ZNRF3: variants seen among roughly 807,000 people sequenced by gnomAD.
ZNRF3 encodes the protein E3 ubiquitin-protein ligase ZNRF3.
Under a neutral mutation model 72.5 loss-of-function variants are expected in ZNRF3, and 23 were observed. The ratio of observed to expected loss-of-function variants is 0.32; its 90% CI spans 0.23 to 0.45. The LOEUF is 0.45. ZNRF3 is among the 20% of genes least tolerant of loss of function. The pLI, the probability that ZNRF3 is intolerant of heterozygous loss-of-function variation, is 1.00. For missense variants in ZNRF3, 1,169 were observed against 1,272.1 expected (o/e 0.92, Z 1.23); for synonymous variants, 610 against 545.3 (o/e 1.12, Z -1.65).
At chr22:28,914,643 C>G (rs993764291) in intron 1 of ZNRF3, among the ~76,000 whole-genome samples, 2 of 151,514 alleles carry the variant, frequency 1.3e-5, no homozygotes, top group Non-Finnish European at 2.9e-5. Context: ...GGTGAAACCC[C>G]GTCTCTACTA....
chr22:28,976,107 C>T (rs2035668961), intron 1 of ZNRF3, among the ~76,000 whole-genome samples: 2 of 152,182 alleles, frequency 1.3e-5, no homozygotes, highest in East Asian at 3.8e-4. Flanking sequence ...CCCACTTTGT[C>T]ACTATCTAGT....
chr22:29,038,256 T>C (rs1224664934), intron 2 of ZNRF3, among the ~76,000 whole-genome samples: 2 of 152,118 alleles, frequency 1.3e-5, no homozygotes, highest in Admixed American at 1.3e-4. Context: ...GTGAGAGTGA[T>C]TGGTTCAAGG....
chr22:28,990,100 A>C (rs568540316), intron 2 of ZNRF3, among the ~76,000 whole-genome samples: 2 of 152,204 alleles, frequency 1.3e-5, no homozygotes, highest in Non-Finnish European at 2.9e-5. Flanking sequence ...AAGACCCCAC[A>C]GGGGAGCAGC....
intron 1 of ZNRF3, among the ~76,000 whole-genome samples, chr22:28,887,512 A>G (rs1416397666): frequency 6.6e-6 from 1 of 152,162 alleles, no homozygotes; most frequent in Non-Finnish European, 1.5e-5. Flanking sequence ...GGCTTAAATA[A>G]CTATCCCAAG....
intron 1 of ZNRF3, among the ~76,000 whole-genome samples, chr22:28,914,846 A>G (rs2034382592): frequency 6.6e-6 from 1 of 151,250 alleles, no homozygotes; most frequent in Non-Finnish European, 1.5e-5. Flanking sequence ...AGGTTAACCT[A>G]CCTGATGGAT....
chr22:28,937,203 ATATATATATATATTTT>A (rs1441695393), intron 1 of ZNRF3, among the ~76,000 whole-genome samples: 8 of 9,560 alleles, frequency 8.4e-4, no homozygotes, highest in East Asian at 5.8e-3. Context: ...ATATATATAT[ATATATATATATATTTT>A]TTTTTTTTTT....
At chr22:28,910,101 T>G (rs1047167817) in intron 1 of ZNRF3, among the ~76,000 whole-genome samples, 3 of 151,718 alleles carry the variant, frequency 2.0e-5, no homozygotes, top group African/African-American at 7.3e-5. Context: ...AGTGGTGCAA[T>G]CTCAGCTCAC....
chr22:29,038,507 CT>C (rs1359058622), intron 2 of ZNRF3, among the ~76,000 whole-genome samples: 1 of 151,940 alleles, frequency 6.6e-6, no homozygotes, highest in Non-Finnish European at 1.5e-5. Flanking sequence ...TAGTTTTTAA[CT>C]TTTTTGTGGA....
At position 29,030,769 on chromosome 22, in the gene ZNRF3, G is replaced by A. The variant is rs1323066445; in HGVS notation, c.427-11726G>A. On this transcript the variant is annotated intron_variant, in intron 2 of 8. Transcript: ENST00000544604. This position sits in a 1 kb window ranked among gnomAD's most constrained non-coding sequence, Gnocchi z 4.2. Reference sequence around the variant, plus strand: ...GAGGGGAGGAGGGACCCTGCAGGGCGGTACACGACGGGTGGGAGTGGGGAG... The same window carrying A: ...GAGGGGAGGAGGGACCCTGCAGGGCAGTACACGACGGGTGGGAGTGGGGAG... 6.6e-6 allele frequency among the ~76,000 whole-genome samples: 1 copy of A among 151,964 alleles called. No individual in the cohort carries two copies. The highest frequency in any genetic ancestry group is 1.9e-4 in the East Asian group (1 of 5,178).
chr22:29,012,142 G>A (rs913261493), intron 2 of ZNRF3, among the ~76,000 whole-genome samples: 3 of 152,210 alleles, frequency 2.0e-5, no homozygotes, highest in African/African-American at 7.2e-5. Context: ...TGCTTAGAGT[G>A]CAAGTGAAGT....
chr22:28,988,030 T>G (rs1049199609), intron 2 of ZNRF3, among the ~76,000 whole-genome samples: 1 of 152,182 alleles, frequency 6.6e-6, no homozygotes, highest in African/African-American at 2.4e-5. Flanking sequence ...CAGTATAAGA[T>G]AGAAATAAAT....
chr22:28,938,341 A>G (rs1312936782), intron 1 of ZNRF3, among the ~76,000 whole-genome samples: 1 of 151,514 alleles, frequency 6.6e-6, no homozygotes, highest in African/African-American at 2.4e-5. Flanking sequence ...TATCTTATCT[A>G]TTTTAATCTA....
rs972726913 is a variant in ZNRF3 at position 29,008,319 on chromosome 22, G to A, written c.426+21118G>A. 3.3e-5 allele frequency among the ~76,000 whole-genome samples: 5 copies of A among 152,300 alleles called. No homozygotes were observed. The East Asian group carries it at 5.8e-4, about 18-fold the overall frequency. The stretch of plus-strand genomic sequence containing the variant: ...ATGGCTGTGGATTCCCCCGAGGAAC[G>A]AGTTTGCTGATGACCCTGTTTGTGC... On this transcript the variant is annotated intron_variant, in intron 2 of 8. Transcript: ENST00000544604.
At position 29,049,816 on chromosome 22, in the gene ZNRF3, C is replaced by T. The variant is rs755775934; in HGVS notation, c.1635C>T (p.Asp545=). Residue 545 remains aspartate, a synonymous_variant, in exon 8 of 9, where the codon GAC becomes GAT. Transcript: ENST00000544604. The surrounding 1 kb of genome is among the most constrained non-coding windows in gnomAD (Gnocchi z 5.2). ...CGGTGTGCAGTGGCTACCTGGCCGA[C>T]TGCCCAGGCAGCGACAGCAGCAGCA... ...HRSVCSGYLA[D]CPGSDSSSSS... is the part of the protein sequence containing the mutation. The T allele has an allele frequency of 8.7e-4, 1,397 of 1,608,258 alleles. 4 individuals are homozygous for T. The highest frequency in any genetic ancestry group is 1.8e-3 in the South Asian group (162 of 90,562).
rs762301291 is a variant in ZNRF3, at chr22:29,050,854, C to T, written c.2673C>T (p.Gly891=). The change falls in exon 8 of 9, where the codon GGC becomes GGT. Residue 891 remains glycine, a synonymous_variant. Transcript: ENST00000544604. ...AGGCTAGGGCCCTACTGCGGCCTGG[C>T]TGCCCTCCGGAGGAGGCGGGTGCTG... The part of the protein sequence containing the change: ...CCQARALLRP[G]CPPEEAGAVR... 20 of 1,603,124 alleles carry T rather than the reference C, an allele frequency of 1.2e-5. No individual in the cohort carries two copies. In the Admixed American group the frequency reaches 1.7e-4, roughly 14 times the overall value.
At chr22:28,951,376 A>G (rs1395313681) in intron 1 of ZNRF3, among the ~76,000 whole-genome samples, 5 of 152,146 alleles carry the variant, frequency 3.3e-5, no homozygotes, top group African/African-American at 1.2e-4. Context: ...TCCTTATTAA[A>G]AGGGGAAATC....
At chr22:28,994,054 A>G (rs1172702301) in intron 2 of ZNRF3, among the ~76,000 whole-genome samples, 1 of 152,094 alleles carries the variant, frequency 6.6e-6, no homozygotes, top group African/African-American at 2.4e-5. Context: ...TAAAGGAGAT[A>G]ATGTATATCA....
chr22:29,032,908 C>T (rs934987637), intron 2 of ZNRF3, among the ~76,000 whole-genome samples: 1 of 152,136 alleles, frequency 6.6e-6, no homozygotes, highest in East Asian at 1.9e-4. Flanking sequence ...CACTGGGCAC[C>T]GCAGCCTGAG....
chr22:29,049,915 C>T lies in ZNRF3; in HGVS notation c.1734C>T (p.Gly578=). 6.2e-7 allele frequency: 1 copy of T among 1,604,614 alleles called. No homozygotes were observed. Among genetic ancestry groups the T allele is most frequent in the Non-Finnish European group, 8.5e-7 (1 of 1,175,548 alleles). Reference sequence around the variant, plus strand: ...ACTGCACTGAGGTCAGCAACCAGGGCGTGTACGGGAGCTGCTCCACCTTCC... The same window carrying T: ...ACTGCACTGAGGTCAGCAACCAGGGTGTGTACGGGAGCTGCTCCACCTTCC... ...VVDCTEVSNQ[G]VYGSCSTFRS... is the part of the protein sequence containing the mutation. The change falls in exon 8 of 9, where the codon GGC becomes GGT. Residue 578 remains glycine (G), a synonymous_variant. Transcript: ENST00000544604. The surrounding 1 kb of genome is among the most constrained non-coding windows in gnomAD (Gnocchi z 5.2).
Sources: gnomAD v4.1 joint callset for allele counts (sites outside exome capture counted in the v4.1 genomes callset) on GRCh38, gnomAD v4.1.1 for gene constraint, Gnocchi (gnomAD v3.1) non-coding constraint, MANE v1.5 for transcripts, NCBI Gene and HGNC (gene_info 2026-07-23, HGNC 2026-07-21) for gene names.